ATP8B4: variants seen among roughly 807,000 people sequenced by gnomAD.
The protein encoded by ATP8B4 is ATPase phospholipid transporting 8B4 (putative).
ATP8B4 carries 133 observed loss-of-function variants against 145.6 expected under a neutral mutation model. The ratio of observed to expected loss-of-function variants is 0.91; its 90% confidence interval spans 0.79 to 1.05. ATP8B4 has a LOEUF of 1.05. Among genes scored for constraint, ATP8B4 ranks in the 50% least tolerant of loss-of-function variants. ATP8B4 has a pLI of 0.00. For missense variants in ATP8B4, 1,458 were observed against 1,425.2 expected, an observed-to-expected ratio of 1.02 and a Z score of -0.37; for synonymous variants, 507 against 492.9, an observed-to-expected ratio of 1.03 and a Z score of -0.38.
At position 49,979,709 on chromosome 15, in the gene ATP8B4, T is replaced by C. The variant is rs762252232; in HGVS notation, c.942A>G (p.Glu314=). The change falls in exon 12 of 28, where the codon GAA becomes GAG. Residue 314 remains glutamate, a synonymous_variant. Coordinates refer to ENST00000284509, the MANE Select transcript of ATP8B4 (RefSeq NM_024837.4). ...CGGAGAACACAGAGCTCTTCTCTCCTTCATTCCAAAAGAGGAAAGTTCTGA... is the reference window on the plus strand; with the variant it reads ...CGGAGAACACAGAGCTCTTCTCTCCCTCATTCCAAAAGAGGAAAGTTCTGA... The part of the protein sequence containing the change: ...DQFRTFLFWN[E]GEKSSVFSGF... 1.2e-6 allele frequency: 2 copies of C among 1,610,392 alleles called. No homozygotes were observed.
At chr15:50,023,225 A>G (rs1567215001) in intron 6 of ATP8B4, among the ~76,000 whole-genome samples, 2 of 152,200 alleles carry the variant, frequency 1.3e-5, no homozygotes, top group South Asian at 2.1e-4. Flanking sequence ...GTCTAAATAT[A>G]TGTATAAATA....
Position 50,126,072 on chromosome 15 carries a change from A to G in ATP8B4, c.-42-19064T>C, listed in dbSNP as rs1595626792. 4.6e-5 allele frequency among the ~76,000 whole-genome samples: 7 copies of G among 152,288 alleles called. No individual in the cohort carries two copies. In the East Asian group the frequency reaches 1.4e-3, roughly 29 times the overall value. ...CACAATGTGATAGTAACTCTAATTTAGGTGTCCCTTGTCCAAACAGGCTTC... is the reference window on the plus strand; with the variant it reads ...CACAATGTGATAGTAACTCTAATTTGGGTGTCCCTTGTCCAAACAGGCTTC... On this transcript the variant is annotated intron_variant, in intron 1 of 3. Transcript: ENST00000558829.
At chr15:49,938,129 TG>T (rs2041880192) in intron 14 of ATP8B4, among the ~76,000 whole-genome samples, 2 of 152,106 alleles carry the variant, frequency 1.3e-5, no homozygotes, top group South Asian at 4.1e-4. Flanking sequence ...AGGCAAATAT[TG>T]TTTCAAGCCA....
At chr15:50,072,931 T>C (rs1207398573) in intron 3 of ATP8B4, among the ~76,000 whole-genome samples, 2 of 13,016 alleles carry the variant, frequency 1.5e-4, no homozygotes, top group Non-Finnish European at 2.8e-4. Context: ...CCTCTCTCTC[T>C]CTCTCTCTCT....
At chr15:49,997,593 A>C (rs766628651) in intron 8 of ATP8B4, among the ~76,000 whole-genome samples, 39 of 152,116 alleles carry the variant, frequency 2.6e-4, no homozygotes, top group Admixed American at 5.2e-4. Flanking sequence ...CCCCAAGAGG[A>C]TGACAATCCT....
At chr15:50,133,965 C>T (rs2044085977) in intron 1 of ATP8B4, among the ~76,000 whole-genome samples, 1 of 151,932 alleles carries the variant, frequency 6.6e-6, no homozygotes, top group Admixed American at 6.6e-5. Flanking sequence ...CAAGACCCCA[C>T]CTCTATAAAA....
intron 2 of ATP8B4, among the ~76,000 whole-genome samples, chr15:50,075,020 G>A (rs1043117721): frequency 1.3e-5 from 2 of 152,158 alleles, no homozygotes; most frequent in Non-Finnish European, 2.9e-5. Context: ...GGATTCTCAT[G>A]GCGAGTGACT....
chr15:50,079,154 A>G (rs1159679785), intron 2 of ATP8B4, among the ~76,000 whole-genome samples: 6 of 152,208 alleles, frequency 3.9e-5, no homozygotes, highest in Non-Finnish European at 7.4e-5. Context: ...TGATTATTAT[A>G]TACTCCATGT....
chr15:50,023,768 G>A (rs112544864), intron 6 of ATP8B4, among the ~76,000 whole-genome samples: 1 of 44,530 alleles, frequency 2.2e-5, no homozygotes, highest in African/African-American at 9.3e-5. Flanking sequence ...ACAAAAAATT[G>A]AGACCAAAGG....
At chr15:49,905,227 G>A (rs1422180268) in intron 20 of ATP8B4, among the ~76,000 whole-genome samples, 2 of 152,164 alleles carry the variant, frequency 1.3e-5, no homozygotes, top group African/African-American at 4.8e-5. Context: ...CCATGTTTAT[G>A]AAATAATCTA....
chr15:49,975,876 C>T (rs1298912343), intron 12 of ATP8B4, among the ~76,000 whole-genome samples: 1 of 151,998 alleles, frequency 6.6e-6, no homozygotes, highest in Non-Finnish European at 1.5e-5. Context: ...TTGTAATTTA[C>T]AAGGATATCC....
intron 23 of ATP8B4, chr15:49,879,830 G>T (rs2035100420): frequency 6.2e-6 from 1 of 160,862 alleles, no homozygotes; most frequent in African/African-American, 2.4e-5. Context: ...CCAATTATCT[G>T]ATCCAAGTGG....
intron 8 of ATP8B4, among the ~76,000 whole-genome samples, chr15:50,000,745 T>C (rs975246861): frequency 2.6e-5 from 4 of 152,164 alleles, no homozygotes. Context: ...TTATGGATTA[T>C]GTTTACTGTG....
intron 14 of ATP8B4, among the ~76,000 whole-genome samples, chr15:49,936,948 TTTTC>T (rs1761636615): frequency 6.6e-6 from 1 of 152,004 alleles, no homozygotes; most frequent in African/African-American, 2.4e-5. Flanking sequence ...CCAGGAACTC[TTTTC>T]TTTTTTTCCT....
chr15:49,910,486 A>G (rs1015169146), intron 20 of ATP8B4, among the ~76,000 whole-genome samples: 1 of 152,196 alleles, frequency 6.6e-6, no homozygotes, highest in East Asian at 1.9e-4. Context: ...ATTGAAATAC[A>G]GGAGGCCCAG....
chr15:50,148,752 GA>G (rs2044310072), intron 1 of ATP8B4, among the ~76,000 whole-genome samples: 1 of 152,054 alleles, frequency 6.6e-6, no homozygotes, highest in South Asian at 2.1e-4. Flanking sequence ...GAAGTAATTC[GA>G]AAACTGAATA....
chr15:49,865,421 A>G (rs7177601), intron 26 of ATP8B4, among the ~76,000 whole-genome samples: 7,046 of 152,260 alleles, frequency 0.046, 559 homozygotes, highest in African/African-American at 0.16. Flanking sequence ...CACTCTAGAA[A>G]TTAATCAAAC....
intron 2 of ATP8B4, among the ~76,000 whole-genome samples, chr15:50,103,514 G>A (rs1441145761): frequency 2.6e-5 from 4 of 151,870 alleles, no homozygotes; most frequent in Non-Finnish European, 5.9e-5. Context: ...AAGATACTTA[G>A]GAATATACTT....
chr15:50,102,357 C>A (rs2056415939), intron 2 of ATP8B4, among the ~76,000 whole-genome samples: 1 of 151,164 alleles, frequency 6.6e-6, no homozygotes, highest in Non-Finnish European at 1.5e-5. Flanking sequence ...TGAGATTAAC[C>A]AAGAAAAGAA....
Sources: gnomAD v4.1 joint callset for allele counts (sites outside exome capture counted in the v4.1 genomes callset) on GRCh38, gnomAD v4.1.1 for gene constraint, MANE v1.5 for transcripts, NCBI Gene and HGNC (gene_info 2026-07-23, HGNC 2026-07-21) for gene names.